BAIAP2: variants seen among roughly 807,000 people sequenced by gnomAD.
The protein encoded by BAIAP2 is BAR/IMD domain-containing adapter protein 2.
In BAIAP2, 18 loss-of-function variants were observed where a neutral mutation model predicts 63.0. That is an observed-to-expected ratio of 0.29 (90% CI 0.20 to 0.42). BAIAP2 has a LOEUF of 0.42. Ranked by LOEUF, BAIAP2 falls within the 10% of genes least tolerant of loss-of-function variation. The pLI is 1.00. For missense variants in BAIAP2, 610 were observed against 734.3 expected (o/e 0.83, Z 1.96); for synonymous variants, 386 against 307.6 (o/e 1.25, Z -2.67).
intron 3 of BAIAP2, among the ~76,000 whole-genome samples, chr17:81,069,939 C>G (rs2052277896): frequency 6.6e-6 from 1 of 151,712 alleles, no homozygotes; most frequent in Admixed American, 6.6e-5. Context: ...TTTTTGTTTT[C>G]TTGGTTTTTT....
chr17:81,073,184 C>T (rs1217467983), intron 3 of BAIAP2, among the ~76,000 whole-genome samples: 1 of 152,164 alleles, frequency 6.6e-6, no homozygotes, highest in Non-Finnish European at 1.5e-5. Context: ...GGCTCAGCAC[C>T]CCTGCTCCTC....
Position 81,035,302 on chromosome 17 carries a change from CTA to C in BAIAP2, c.51_52del (p.Tyr17Ter). The part of the protein sequence containing the change: ...EEMHRLTENV[Y>X]KTIMEQFNPS... ...AGATGCACCGGCTCACGGAAAATGTCTATAAGGTGAGCGCCCCCCGGCGCCGA... is the reference window on the plus strand; with the variant it reads ...AGATGCACCGGCTCACGGAAAATGTCTAAGGTGAGCGCCCCCCGGCGCCGA... On this transcript the variant is annotated frameshift_variant, in exon 1 of 14. Coordinates refer to ENST00000428708, the MANE Select transcript of BAIAP2 (RefSeq NM_001144888.2). The C allele has an allele frequency of 6.7e-7, 1 of 1,481,644 alleles. No homozygotes were observed. Among genetic ancestry groups the C allele is most frequent in the Non-Finnish European group, 9.0e-7 (1 of 1,108,264 alleles). 91.8% of individuals were successfully genotyped at this position (1,481,644 alleles called of 1,614,324 possible).
intron 1 of BAIAP2, among the ~76,000 whole-genome samples, chr17:81,045,196 C>T (rs563833271): frequency 5.7e-4 from 87 of 152,296 alleles, no homozygotes; most frequent in Non-Finnish European, 1.1e-3. Context: ...AGACTTGGGG[C>T]CCCTGAGAGT....
At chr17:81,067,698 C>T (rs1012606802) in intron 3 of BAIAP2, among the ~76,000 whole-genome samples, 20 of 152,214 alleles carry the variant, frequency 1.3e-4, no homozygotes, top group Non-Finnish European at 2.6e-4. Context: ...TGTCCTCTGC[C>T]GGCGTTGCTG....
chr17:81,040,219 CT>C (rs1171108385), intron 1 of BAIAP2, among the ~76,000 whole-genome samples: 5 of 152,360 alleles, frequency 3.3e-5, no homozygotes, highest in African/African-American at 1.2e-4. Flanking sequence ...TGTCTGGTGA[CT>C]TTCTTTGAGG....
intron 2 of BAIAP2, among the ~76,000 whole-genome samples, chr17:81,057,138 C>T (rs7502656): frequency 1.3e-5 from 2 of 152,216 alleles, no homozygotes; most frequent in Admixed American, 1.3e-4. Context: ...CTCCGGGGCC[C>T]TGCCCCGCCC....
chr17:81,055,948 G>C (rs11657991), intron 2 of BAIAP2, among the ~76,000 whole-genome samples: 62,036 of 151,910 alleles, frequency 0.41, 13,038 homozygotes, highest in East Asian at 0.63. Context: ...CTTGGATGAG[G>C]TAGTGGAGGT....
At chr17:81,036,823 ATTAGTCATTAGCTCCAT>A in intron 1 of BAIAP2, 1 of 1,484,336 alleles carries the variant, frequency 6.7e-7, no homozygotes. Flanking sequence ...TTATTAAATT[ATTAGTCATTAGCTCCAT>A]TACGACTTGT....
Position 81,066,581 on chromosome 17 carries a change from C to T in BAIAP2, c.217+8614C>T, listed in dbSNP as rs147766485. Reference sequence around the variant, plus strand: ...CCTCTTAGAGGCACTGAGTGGCTCCCTCCGTGTGTGCGGCATCTCTGCGTC... The same window carrying T: ...CCTCTTAGAGGCACTGAGTGGCTCCTTCCGTGTGTGCGGCATCTCTGCGTC... On this transcript the variant is annotated intron_variant, in intron 3 of 13. Transcript: ENST00000428708. Among the ~76,000 whole-genome samples, 262 of 152,354 alleles carry T rather than the reference C, an allele frequency of 1.7e-3. 2 individuals carry two copies. Among genetic ancestry groups the T allele is most frequent in the African/African-American group, 6.0e-3 (251 of 41,590 alleles).
chr17:81,092,786 C>A (rs1040092148), intron 6 of BAIAP2, among the ~76,000 whole-genome samples: 1 of 152,182 alleles, frequency 6.6e-6, no homozygotes, highest in Non-Finnish European at 1.5e-5. Context: ...ACGTGCCCGT[C>A]TGCCTGGAGG....
chr17:81,062,390 A>G (rs911324595), intron 3 of BAIAP2, among the ~76,000 whole-genome samples: 2 of 151,446 alleles, frequency 1.3e-5, no homozygotes, highest in Non-Finnish European at 2.9e-5. Flanking sequence ...ATTTATTATG[A>G]CGCCTTTGCT....
intron 3 of BAIAP2, among the ~76,000 whole-genome samples, chr17:81,076,876 C>T (rs1023658973): frequency 1.3e-5 from 2 of 152,116 alleles, no homozygotes; most frequent in Non-Finnish European, 2.9e-5. Flanking sequence ...GAGGCTGGGG[C>T]CGGAGGATCC....
chr17:81,116,013 C>A lies in BAIAP2; in HGVS notation c.*174C>A. ...CCCAGCTGTTCTAGGCAGGGCCGGGCAGAGTGGGGCGCAGGCCCCTGAAGG... is the reference window on the plus strand; with the variant it reads ...CCCAGCTGTTCTAGGCAGGGCCGGGAAGAGTGGGGCGCAGGCCCCTGAAGG... On this transcript the variant is annotated 3_prime_UTR_variant, in exon 14 of 14. Coordinates refer to ENST00000428708, the MANE Select transcript of BAIAP2 (RefSeq NM_001144888.2). 2 of 1,462,056 alleles carry A rather than the reference C, an allele frequency of 1.4e-6. No homozygotes were observed. The highest frequency in any genetic ancestry group is 2.4e-5 in the Admixed American group (1 of 41,248). The allele number at this position is 1,462,056 out of a possible 1,614,324, so 90.6% of individuals were successfully genotyped here.
chr17:81,068,501 A>G (rs1568108264), intron 3 of BAIAP2, among the ~76,000 whole-genome samples: 2 of 152,176 alleles, frequency 1.3e-5, no homozygotes, highest in East Asian at 1.9e-4. Context: ...GCAGCGATGC[A>G]GGGCCCAAAC....
intron 3 of BAIAP2, among the ~76,000 whole-genome samples, chr17:81,062,352 T>C (rs1190305737): frequency 3.9e-5 from 6 of 152,064 alleles, no homozygotes; most frequent in African/African-American, 7.2e-5. Flanking sequence ...TTATAGCTCA[T>C]GGATTTTTGT....
intron 3 of BAIAP2, among the ~76,000 whole-genome samples, chr17:81,069,548 A>G (rs1007791752): frequency 3.3e-5 from 5 of 152,208 alleles, no homozygotes; most frequent in Non-Finnish European, 5.9e-5. Flanking sequence ...GCTGGCTTCA[A>G]GGACGCCTGC....
Position 81,115,644 on chromosome 17 carries a change from C to T in BAIAP2, c.1536-126C>T. On this transcript the variant is annotated intron_variant, in intron 13 of 13. Coordinates refer to ENST00000428708, the MANE Select transcript of BAIAP2 (RefSeq NM_001144888.2). Reference sequence around the variant, plus strand: ...AAGCAGCGTATATTGTCTGTGAGCTCTGTGCCCTGAGATCGGACCGTAGGC... The same window carrying T: ...AAGCAGCGTATATTGTCTGTGAGCTTTGTGCCCTGAGATCGGACCGTAGGC... 3 of 1,143,628 alleles carry T rather than the reference C, an allele frequency of 2.6e-6. No individual in the cohort carries two copies. The South Asian group carries it at 4.0e-5, about 15-fold the overall frequency. The allele number at this position is 1,143,628 out of a possible 1,614,324, so 70.8% of individuals were successfully genotyped here.
chr17:81,096,732 A>G (rs2057678263), intron 6 of BAIAP2, among the ~76,000 whole-genome samples: 1 of 152,262 alleles, frequency 6.6e-6, no homozygotes, highest in South Asian at 2.1e-4. Flanking sequence ...CCATGGCTGC[A>G]GTATGTGGCG....
chr17:81,041,503 T>TA (rs2047069182), intron 1 of BAIAP2, among the ~76,000 whole-genome samples: 1 of 152,268 alleles, frequency 6.6e-6, no homozygotes, highest in African/African-American at 2.4e-5. Flanking sequence ...ATTTTATACT[T>TA]ACTGGAACAG....
Sources: allele counts gnomAD v4.1 joint callset (sites outside exome capture counted in the v4.1 genomes callset), GRCh38; gene constraint gnomAD v4.1.1; transcripts MANE v1.5; gene names NCBI Gene and HGNC (gene_info 2026-07-23, HGNC 2026-07-21).